ATP6V0A4: variants seen among roughly 807,000 people sequenced by gnomAD.
ATP6V0A4 encodes V-type proton ATPase 116 kDa subunit a 4.
ATP6V0A4 carries 86 observed loss-of-function variants against 107.3 expected under a neutral mutation model. That is an observed-to-expected ratio of 0.80 (90% CI 0.67 to 0.96). The LOEUF (loss-of-function observed/expected upper bound fraction) is 0.96. Ranked by LOEUF, ATP6V0A4 falls within the 40% of genes least tolerant of loss-of-function variation. ATP6V0A4 has a pLI of 0.00. For missense variants in ATP6V0A4, 908 were observed against 1,045.6 expected (o/e 0.87, Z 1.81); for synonymous variants, 353 against 381.4 (o/e 0.93, Z 0.87).
At chr7:138,737,605 A>T (rs1301241966) in intron 15 of ATP6V0A4, among the ~76,000 whole-genome samples, 2 of 141,334 alleles carry the variant, frequency 1.4e-5, no homozygotes, top group African/African-American at 5.2e-5. Flanking sequence ...TTTTTTGAGA[A>T]GAGTCTCTCT....
intron 12 of ATP6V0A4, chr7:138,747,786 G>T: frequency 1.7e-6 from 1 of 586,134 alleles, no homozygotes; most frequent in Non-Finnish European, 2.8e-6. Context: ...AGTGGGTCTC[G>T]CTCTGTCACC....
chr7:138,762,449 A>C lies in ATP6V0A4; in HGVS notation c.418-15T>G. The C allele has an allele frequency of 6.2e-7, 1 of 1,613,962 alleles. No homozygotes were observed. Among genetic ancestry groups the C allele is most frequent in the Non-Finnish European group, 8.5e-7 (1 of 1,179,920 alleles). On this transcript the variant is annotated splice_polypyrimidine_tract_variant and intron_variant, in intron 6 of 21. Transcript: ENST00000310018. ...TTGGTTTCCGTCTGAAAGTCAAAGC[A>C]CTATGATTTTCATTTAAATATATTT...
intron 15 of ATP6V0A4, among the ~76,000 whole-genome samples, chr7:138,736,077 C>A (rs1397269439): frequency 6.9e-6 from 1 of 145,528 alleles, no homozygotes; most frequent in Non-Finnish European, 1.5e-5. Context: ...TCAAAACAAA[C>A]AAACAAACAA....
intron 18 of ATP6V0A4, among the ~76,000 whole-genome samples, chr7:138,728,251 T>C (rs2117227337): frequency 6.6e-6 from 1 of 152,080 alleles, no homozygotes; most frequent in South Asian, 2.1e-4. Flanking sequence ...TTTGAGACGG[T>C]TTTTCGCCCT....
intron 11 of ATP6V0A4, among the ~76,000 whole-genome samples, chr7:138,749,740 T>C (rs366193): frequency 0.69 from 104,087 of 151,832 alleles, 36,896 homozygotes; most frequent in African/African-American, 0.89. Context: ...AATCCAGGAG[T>C]CTAATCCTGA....
intron 17 of ATP6V0A4, among the ~76,000 whole-genome samples, chr7:138,731,561 T>C (rs564102032): frequency 6.6e-6 from 1 of 152,268 alleles, no homozygotes; most frequent in South Asian, 2.1e-4. Flanking sequence ...CTGAGTTATT[T>C]TTATATCCAG....
chr7:138,746,005 T>TATATATTATAAATATAAATA (rs1367562666), intron 13 of ATP6V0A4, among the ~76,000 whole-genome samples: 4 of 103,966 alleles, frequency 3.8e-5, no homozygotes, highest in Non-Finnish European at 7.0e-5. Flanking sequence ...ATATAAATAA[T>TATATATTATAAATATAAATA]ATATATATTT....
rs1335344948 is a variant in ATP6V0A4 at position 138,749,155 on chromosome 7, T to C, written c.1180+12A>G. The C allele has an allele frequency of 3.7e-6, 6 of 1,613,816 alleles. No homozygotes were observed. The East Asian group carries it at 1.3e-4, about 36-fold the overall frequency. On this transcript the variant is annotated intron_variant, in intron 12 of 21. Coordinates refer to ENST00000310018, the MANE Select transcript of ATP6V0A4 (RefSeq NM_020632.3). ...TCAAGCTACCCAGTCGTGCAGTTCA[T>C]CAGATCTTTACCTGGGTTTATCTCC...
At chr7:138,763,805 T>TG (rs1164905090) in intron 5 of ATP6V0A4, among the ~76,000 whole-genome samples, 2 of 151,606 alleles carry the variant, frequency 1.3e-5, no homozygotes, top group Non-Finnish European at 2.9e-5. Flanking sequence ...GCCAACATGG[T>TG]GAAACCCTGT....
intron 18 of ATP6V0A4, among the ~76,000 whole-genome samples, chr7:138,723,478 G>A (rs1310826281): frequency 2.7e-5 from 4 of 150,212 alleles, no homozygotes; most frequent in Non-Finnish European, 5.9e-5. Context: ...CATGGGAGGG[G>A]TATTGCAAAT....
At chr7:138,718,002 C>T (rs1163961035) in intron 19 of ATP6V0A4, among the ~76,000 whole-genome samples, 1 of 13,704 alleles carries the variant, frequency 7.3e-5, no homozygotes, top group East Asian at 1.9e-3. Flanking sequence ...AGCAGTCACG[C>T]TGCAGTCACA....
rs554111535 is a variant in ATP6V0A4, at chr7:138,773,629, C to CAG, written c.-17-2367_-17-2366dup. On this transcript the variant is annotated intron_variant, in intron 2 of 21. Coordinates refer to ENST00000310018, the MANE Select transcript of ATP6V0A4 (RefSeq NM_020632.3). This position sits in a 1 kb window ranked among gnomAD's most constrained non-coding sequence, Gnocchi z 5.4. ...CAGAAGCAATACCCCATGTATAGAC[C>CAG]AGAGGATAAACATCATCCCTCAGGA... is the stretch of plus-strand genomic sequence containing the variant. 9.4e-4 allele frequency among the ~76,000 whole-genome samples: 143 copies of CAG among 152,308 alleles called. 6 individuals are homozygous for CAG. In the South Asian group the frequency reaches 0.028, roughly 30 times the overall value.
chr7:138,732,408 T>C (rs1191150122), intron 17 of ATP6V0A4, among the ~76,000 whole-genome samples: 2 of 152,126 alleles, frequency 1.3e-5, no homozygotes, highest in Non-Finnish European at 2.9e-5. Context: ...CTTCATTTAA[T>C]AAGACACTTT....
intron 20 of ATP6V0A4, among the ~76,000 whole-genome samples, chr7:138,714,634 C>T (rs1803941516): frequency 6.6e-6 from 1 of 152,174 alleles, no homozygotes; most frequent in African/African-American, 2.4e-5. Flanking sequence ...CCTGGCCTGA[C>T]TGATCCTGGA....
intron 1 of ATP6V0A4, among the ~76,000 whole-genome samples, chr7:138,796,751 A>G (rs1808685391): frequency 6.6e-6 from 1 of 152,124 alleles, no homozygotes; most frequent in Non-Finnish European, 1.5e-5. Context: ...GAGTCTTGCC[A>G]GGTTGCATCA....
intron 20 of ATP6V0A4, among the ~76,000 whole-genome samples, chr7:138,712,745 C>G (rs115902208): frequency 0.013 from 2,007 of 152,056 alleles, 61 homozygotes; most frequent in African/African-American, 0.045. Flanking sequence ...AATCAAATGA[C>G]CCCCTCAGTG....
chr7:138,755,684 C>A lies in ATP6V0A4; in HGVS notation c.816+5G>T. The stretch of plus-strand genomic sequence containing the variant: ...TCAGACCATGCGCCCAAACCCCTCA[C>A]TCACGGTGATTAAATCTTCCAGCCT... On this transcript the variant is annotated splice_donor_5th_base_variant and intron_variant, in intron 10 of 21. Transcript: ENST00000310018. The A allele has an allele frequency of 6.2e-7, 1 of 1,613,724 alleles. No individual in the cohort carries two copies.
chr7:138,709,923 A>G (rs911708871), intron 20 of ATP6V0A4, 128 bp from the exon 21 acceptor site: 23 of 1,127,082 alleles, frequency 2.0e-5, no homozygotes, highest in Middle Eastern at 3.4e-4. Context: ...TCTGTTGCCT[A>G]GGATGGTCTC....
intron 18 of ATP6V0A4, among the ~76,000 whole-genome samples, chr7:138,726,191 G>A (rs971962112): frequency 8.5e-5 from 13 of 152,048 alleles, no homozygotes; most frequent in Middle Eastern, 3.4e-3. Context: ...GGGTTTCACC[G>A]TGTTAGCCAG....
Sources: allele counts gnomAD v4.1 joint callset (sites outside exome capture counted in the v4.1 genomes callset), GRCh38; gene constraint gnomAD v4.1.1; non-coding constraint Gnocchi (gnomAD v3.1); transcripts MANE v1.5; gene names NCBI Gene and HGNC (gene_info 2026-07-23, HGNC 2026-07-21).